Variants in SF3A3 observed in about 807,000 individuals in gnomAD.
SF3A3 encodes the protein splicing factor 3a subunit 3.
A neutral mutation model predicts 85.8 loss-of-function variants in SF3A3; 9 were observed. The observed-to-expected ratio is 0.10, with a 90% CI of 0.06 to 0.18. SF3A3 has a LOEUF of 0.18. SF3A3 is among the 10% of genes least tolerant of loss of function. The probability of loss-of-function intolerance (pLI) is 1.00; values close to 1 mark genes in which losing one functional copy is unlikely to be tolerated. For missense variants in SF3A3, 306 were observed against 593.3 expected, an observed-to-expected ratio of 0.52 and a Z score of 5.03; for synonymous variants, 195 against 204.4, an observed-to-expected ratio of 0.95 and a Z score of 0.39.
In SF3A3 at chr1:37,989,891, C is replaced by G; in HGVS notation, c.75G>C (p.Glu25Asp). The G allele has an allele frequency of 1.2e-6, 2 of 1,613,556 alleles. No homozygotes were observed. The highest frequency in any genetic ancestry group is 1.7e-6 in the Non-Finnish European group (2 of 1,179,684). The change falls in exon 1 of 17, where the codon GAG becomes GAC. Residue 25 changes from glutamate to aspartate, a missense_variant. Glu to Asp is a conservative substitution (Grantham distance 45). Coordinates refer to ENST00000373019, the MANE Select transcript of SF3A3 (RefSeq NM_006802.4). ...TCACCGTGGACTTCTTGGTGAGCAT[C>G]TCTTTAGCCATGACGTCCATGAGCC... ...KERLMDVMAK[E>D]MLTKKSTLRD...
chr1:37,980,515 G>A (rs756733134), intron 8 of SF3A3, 71 bp downstream of exon 8: 15 of 1,529,298 alleles, frequency 9.8e-6, no homozygotes, highest in Non-Finnish European at 1.3e-5. Flanking sequence ...TAAAGTGGAA[G>A]CTCAAGATAA....
chr1:37,979,365 G>T, intron 9 of SF3A3, 100 bp downstream of exon 9: 1 of 901,330 alleles, frequency 1.1e-6, no homozygotes, highest in Non-Finnish European at 1.7e-6. Context: ...AAGAAATAGT[G>T]CCTTATCACA....
chr1:37,979,761 G>A (rs1402823790), intron 8 of SF3A3, among the ~76,000 whole-genome samples: 1 of 152,170 alleles, frequency 6.6e-6, no homozygotes. Context: ...GGAGTCTAAG[G>A]TGGGAAGATC....
chr1:37,963,365 G>A (rs1404292645), intron 15 of SF3A3, among the ~76,000 whole-genome samples: 6 of 152,010 alleles, frequency 3.9e-5, no homozygotes, highest in Non-Finnish European at 8.8e-5. Context: ...AGAAATTGAG[G>A]TAGAAATAAA....
At chr1:37,962,526 C>T (rs1266507384) in intron 15 of SF3A3, among the ~76,000 whole-genome samples, 2 of 146,390 alleles carry the variant, frequency 1.4e-5, no homozygotes, top group South Asian at 2.2e-4. Flanking sequence ...TCGCTTGAAC[C>T]CGGGAGGTGG....
In SF3A3 at chr1:37,989,946, T is replaced by C. The variant is rs753113775; in HGVS notation, c.20A>G (p.Gln7Arg). The C allele has an allele frequency of 3.1e-6, 5 of 1,612,466 alleles. No individual in the cohort carries two copies. The highest frequency in any genetic ancestry group is 2.2e-5 in the East Asian group (1 of 44,888). The change falls in exon 1 of 17, where the codon CAG becomes CGG. Residue 7 changes from glutamine to arginine, a missense_variant. Coordinates refer to ENST00000373019, the MANE Select transcript of SF3A3 (RefSeq NM_006802.4). ...CTTCTCCTCATGATAGCGCCGCTGCTGCTCCAGTATTGTCTCCATCTTCCC... is the reference window on the plus strand; with the variant it reads ...CTTCTCCTCATGATAGCGCCGCTGCCGCTCCAGTATTGTCTCCATCTTCCC... METILE[Q>R]QRRYHEEKER... is the part of the protein sequence containing the mutation.
intron 2 of SF3A3, 66 bp from the exon 3 acceptor site, chr1:37,987,902 CAA>C: frequency 7.4e-7 from 1 of 1,345,374 alleles, no homozygotes; most frequent in Non-Finnish European, 1.1e-6. Context: ...AAGCAAACAA[CAA>C]GGGTTCTCCA....
Position 37,989,610 on chromosome 1 carries a change from G to A in SF3A3, c.97-15C>T, listed in dbSNP as rs1646480771. 1 of 1,613,600 alleles carries A rather than the reference G, an allele frequency of 6.2e-7. No individual in the cohort carries two copies. The highest frequency in any genetic ancestry group is 8.5e-7 in the Non-Finnish European group (1 of 1,179,790). On this transcript the variant is annotated splice_polypyrimidine_tract_variant and intron_variant, in intron 1 of 16. Transcript: ENST00000373019. ...TGGTCCCGGAGCTGAAAAAACAAAC[G>A]GTGACACAAACGCCGTTAGTTTGCG...
chr1:37,989,754 G>T (rs1646482403), intron 1 of SF3A3, 116 bp downstream of exon 1: 3 of 1,218,400 alleles, frequency 2.5e-6, no homozygotes, highest in Non-Finnish European at 3.6e-6. Context: ...CCGGAGCTCG[G>T]AGAGGGAGCC....
At chr1:37,976,265 A>G (rs914553758) in intron 12 of SF3A3, among the ~76,000 whole-genome samples, 3 of 151,628 alleles carry the variant, frequency 2.0e-5, no homozygotes, top group Non-Finnish European at 2.9e-5. Context: ...CCTTTCTTCC[A>G]CTTTTTCTTC....
intron 11 of SF3A3, 98 bp from the exon 12 acceptor site, chr1:37,977,051 T>C: frequency 1.2e-6 from 1 of 831,838 alleles, no homozygotes; most frequent in Non-Finnish European, 2.1e-6. Flanking sequence ...GCATTAAAAA[T>C]TATAAGCACA....
chr1:37,963,615 G>A (rs532093706), intron 15 of SF3A3, among the ~76,000 whole-genome samples: 1 of 150,476 alleles, frequency 6.6e-6, no homozygotes, highest in South Asian at 2.1e-4. Context: ...GGAGTAAAGT[G>A]GCAGGATCTC....
intron 4 of SF3A3, among the ~76,000 whole-genome samples, chr1:37,987,121 C>G (rs949277206): frequency 4.6e-5 from 7 of 152,126 alleles, no homozygotes; most frequent in African/African-American, 1.7e-4. Context: ...TCTTGTCCCC[C>G]AGGATGGAGT....
chr1:37,984,634 C>T (rs1437170914), intron 5 of SF3A3, 73 bp downstream of exon 5: 1 of 994,892 alleles, frequency 1.0e-6, no homozygotes. Flanking sequence ...TCTCTGAGGC[C>T]ATGGCTGCAA....
chr1:37,976,599 A>G (rs1051973890), intron 12 of SF3A3, among the ~76,000 whole-genome samples: 1 of 152,056 alleles, frequency 6.6e-6, no homozygotes, highest in African/African-American at 2.4e-5. Flanking sequence ...AGTATTTTCT[A>G]AAGCTCAGGC....
rs758467124 is a variant in SF3A3, at chr1:37,957,060, C to CA, written c.*1125dup. 17 of 152,184 alleles carry CA rather than the reference C, an allele frequency of 1.1e-4. No homozygotes were observed. The highest frequency in any genetic ancestry group is 7.9e-4 in the Admixed American group (12 of 15,264). The allele number at this position is 152,184 out of a possible 1,614,324, so 9.4% of individuals were successfully genotyped here. On this transcript the variant is annotated 3_prime_UTR_variant, in exon 17 of 17. Transcript: ENST00000373019. ...GGGGTCTCTGGGGGATCCTGTCCTG[C>CA]AGCAGGCCTGACTTTCAGATGACTG...
chr1:37,975,423 C>T (rs1198654390), intron 12 of SF3A3, among the ~76,000 whole-genome samples: 1 of 151,588 alleles, frequency 6.6e-6, no homozygotes, highest in Non-Finnish European at 1.5e-5. Flanking sequence ...GGCTGAGGCA[C>T]AGGAATCACT....
chr1:37,964,956 C>T lies in SF3A3; in HGVS notation c.1372+3088G>A, dbSNP rs547575848. ...GGTGCATCACTTGAGGTCAGAAGTT[C>T]CAGGCCAGCCTGGCCAACATGGTGA... On this transcript the variant is annotated intron_variant, in intron 15 of 16. Coordinates refer to ENST00000373019, the MANE Select transcript of SF3A3 (RefSeq NM_006802.4). Among the ~76,000 whole-genome samples, 28 of 151,872 alleles carry T rather than the reference C, an allele frequency of 1.8e-4. 1 individual carries two copies. Among genetic ancestry groups the T allele is most frequent in the South Asian group, 8.3e-4 (4 of 4,808 alleles).
At chr1:37,979,420 G>C (rs758537674) in intron 9 of SF3A3, 45 bp downstream of exon 9, 2 of 1,458,034 alleles carry the variant, frequency 1.4e-6, no homozygotes, top group Non-Finnish European at 1.9e-6. Context: ...TTTAAAGACA[G>C]AAAAATAGAC....
Sources: gnomAD v4.1 joint callset for allele counts (sites outside exome capture counted in the v4.1 genomes callset) on GRCh38, gnomAD v4.1.1 for gene constraint, MANE v1.5 for transcripts, NCBI Gene and HGNC (gene_info 2026-07-23, HGNC 2026-07-21) for gene names.